HMX1: variants seen among roughly 807,000 people sequenced by gnomAD.
HMX1 encodes the protein homeobox protein HMX1.
A neutral mutation model predicts 8.9 loss-of-function variants in HMX1; 8 were observed. That is an observed-to-expected ratio of 0.90 (90% CI 0.53 to 1.63). The LOEUF is 1.63. Among genes scored for constraint, HMX1 ranks in the 40% most tolerant of loss-of-function variants. The pLI is 0.00. For missense variants in HMX1, 621 were observed against 558.5 expected (o/e 1.11, Z -1.13); for synonymous variants, 311 against 283.4 (o/e 1.10, Z -0.98).
chr4:8,859,910 T>C (rs935806606), intron 1 of HMX1, among the ~76,000 whole-genome samples: 2 of 152,188 alleles, frequency 1.3e-5, no homozygotes, highest in Admixed American at 1.3e-4. Context: ...TGGGCCCGGA[T>C]CTGTGTCCAC....
At chr4:8,854,465 G>C (rs1423945447) in intron 1 of HMX1, among the ~76,000 whole-genome samples, 3 of 152,234 alleles carry the variant, frequency 2.0e-5, no homozygotes, top group Admixed American at 6.5e-5. Context: ...ATGGATTAAA[G>C]GCCTGAAGTG....
chr4:8,857,366 G>A (rs1721640571), intron 1 of HMX1, among the ~76,000 whole-genome samples: 2 of 152,140 alleles, frequency 1.3e-5, no homozygotes, highest in African/African-American at 4.8e-5. Flanking sequence ...CTTGTTGCCC[G>A]TGGGGCCCCC....
intron 1 of HMX1, among the ~76,000 whole-genome samples, chr4:8,857,818 G>GC (rs1721662743): frequency 3.3e-5 from 5 of 152,178 alleles, no homozygotes; most frequent in East Asian, 1.9e-4. Context: ...TCCTCCCCTT[G>GC]CCCTTGCCCC....
At chr4:8,857,556 C>T (rs1721650454) in intron 1 of HMX1, among the ~76,000 whole-genome samples, 1 of 152,168 alleles carries the variant, frequency 6.6e-6, no homozygotes, top group African/African-American at 2.4e-5. Flanking sequence ...AGAGCCCATC[C>T]CTGGCCTCGG....
At position 8,868,073 on chromosome 4, in the gene HMX1, C is replaced by A. The variant is rs1252628929; in HGVS notation, c.667G>T (p.Asp223Tyr). ...GCGCTGCTCAGGTAGCGCTTCAGGT[C>A]GAAGGTGGATTCCAGCTGGAAGACC... ...SQVFQLESTFDLKRYLSSAER... is the reference protein window; with the variant it reads ...SQVFQLESTFYLKRYLSSAER... Residue 223 changes from aspartate to tyrosine, a missense_variant, in exon 2 of 2, where the codon GAC becomes TAC. Asp to Tyr is a radical substitution (Grantham distance 160). Coordinates refer to ENST00000400677, the MANE Select transcript of HMX1 (RefSeq NM_018942.3). The surrounding 1 kb of genome is among the most constrained non-coding windows in gnomAD (Gnocchi z 4.6). 3.3e-6 allele frequency: 5 copies of A among 1,536,236 alleles called. No homozygotes were observed. Among genetic ancestry groups the A allele is most frequent in the Admixed American group, 1.9e-5 (1 of 51,408 alleles).
At position 8,871,585 on chromosome 4, in the gene HMX1, G is replaced by A; in HGVS notation, c.30C>T (p.Arg10=). The A allele has an allele frequency of 7.4e-7, 1 of 1,344,462 alleles. No individual in the cohort carries two copies. Among genetic ancestry groups the A allele is most frequent in the African/African-American group, 1.5e-5 (1 of 64,874 alleles). The allele number at this position is 1,344,462 out of a possible 1,614,324, so 83.3% of individuals were successfully genotyped here. A position where few individuals can be genotyped will look rare whatever the true frequency, so the allele number is the denominator to read the frequency against. The part of the protein sequence containing the change: MPDELTEPG[R]ATPARASSFL... Reference sequence around the variant, plus strand: ...AGGAGGAGGCGCGGGCCGGCGTGGCGCGCCCGGGCTCCGTCAGCTCGTCAG... The same window carrying A: ...AGGAGGAGGCGCGGGCCGGCGTGGCACGCCCGGGCTCCGTCAGCTCGTCAG... The change falls in exon 1 of 2, where the codon CGC becomes CGT. Residue 10 remains arginine (R), a synonymous_variant. Transcript: ENST00000400677. The surrounding 1 kb of genome is among the most constrained non-coding windows in gnomAD (Gnocchi z 4.8).
rs752141140 is a variant in HMX1, at chr4:8,867,955, A to T, written c.785T>A (p.Leu262Gln). The T allele has an allele frequency of 6.7e-7, 1 of 1,503,210 alleles. No homozygotes were observed. The highest frequency in any genetic ancestry group is 1.3e-5 in the South Asian group (1 of 79,646). 93.1% of individuals were successfully genotyped at this position (1,503,210 alleles called of 1,614,324 possible). The change falls in exon 2 of 2, where the codon CTG becomes CAG. Residue 262 changes from leucine (L) to glutamine (Q), a missense_variant. Transcript: ENST00000400677. ...QNRRNKWKRQLAAELEAASLS... is the reference protein window; with the variant it reads ...QNRRNKWKRQQAAELEAASLS... ...GCTGGCCGCCTCCAGCTCGGCTGCC[A>T]GCTGCCGCTTCCACTTGTTGCGGCG...
In HMX1 at chr4:8,849,282, GGTAAGCAA is replaced by G. The variant is rs1210111206; in HGVS notation, c.395-2966_395-2959del. On this transcript the variant is annotated intron_variant, in intron 1 of 1. Coordinates refer to the HMX1 transcript ENST00000506970. This position sits in a 1 kb window ranked among gnomAD's most constrained non-coding sequence, Gnocchi z 6.6. ...TTATTTGGAAATAGGGTCTTCCTGA[GGTAAGCAA>G]GCTGAAATGCAGGCAGGGCCCTACC... Among the ~76,000 whole-genome samples the G allele has an allele frequency of 6.6e-6, 1 of 152,050 alleles. No individual in the cohort carries two copies. The highest frequency in any genetic ancestry group is 1.5e-5 in the Non-Finnish European group (1 of 68,032).
intron 1 of HMX1, chr4:8,860,706 G>A (rs939273482): frequency 6.6e-6 from 1 of 152,332 alleles, no homozygotes; most frequent in Non-Finnish European, 1.5e-5. Context: ...CTTCCTTCCA[G>A]AAGCCTAAGG....
chr4:8,864,192 A>C (rs1354211328), downstream of HMX1, among the ~76,000 whole-genome samples: 1 of 152,168 alleles, frequency 6.6e-6, no homozygotes, highest in African/African-American at 2.4e-5. Flanking sequence ...AGCATTTACA[A>C]ATTACAGACC....
intron 1 of HMX1, among the ~76,000 whole-genome samples, chr4:8,860,188 C>G (rs1315507042): frequency 6.6e-6 from 1 of 152,242 alleles, no homozygotes; most frequent in East Asian, 1.9e-4. Flanking sequence ...GAGAGCATGA[C>G]TGCGCGCCAA....
Position 8,868,213 on chromosome 4 carries a change from G to T in HMX1, c.527C>A (p.Thr176Lys). The part of the protein sequence containing the change: ...ELAARGPAAG[T>K]EEASELAEVP... ...CTCGGCCAGCTCCGACGCCTCCTCC[G>T]TGCCGGCCGCCGGGCCACGCGCCGC... is the stretch of plus-strand genomic sequence containing the variant. The change falls in exon 2 of 2, where the codon ACG (threonine) becomes AAG (lysine). Residue 176 changes from threonine (T) to lysine (K), a missense_variant. Transcript: ENST00000400677. This position sits in a 1 kb window ranked among gnomAD's most constrained non-coding sequence, Gnocchi z 4.6. The T allele has an allele frequency of 6.9e-7, 1 of 1,451,176 alleles. No homozygotes were observed. Among genetic ancestry groups the T allele is most frequent in the Non-Finnish European group, 9.0e-7 (1 of 1,106,964 alleles). The allele number at this position is 1,451,176 out of a possible 1,614,324, so 89.9% of individuals were successfully genotyped here.
rs892764700 is a variant in HMX1, at chr4:8,860,184, A to C, written c.394+11037T>G. On this transcript the variant is annotated intron_variant, in intron 1 of 1. Coordinates refer to the HMX1 transcript ENST00000506970. ...GCTGCCCTGGTGCCCCAGTGAGAGC[A>C]TGACTGCGCGCCAAATGGAAGTGGG... is the stretch of plus-strand genomic sequence containing the variant. Among the ~76,000 whole-genome samples the C allele has an allele frequency of 3.3e-5, 5 of 152,198 alleles. No individual in the cohort carries two copies. In the South Asian group the frequency reaches 8.3e-4, roughly 25 times the overall value.
chr4:8,868,027 G>T lies in HMX1; in HGVS notation c.713C>A (p.Ala238Asp). The change falls in exon 2 of 2, where the codon GCC (alanine) becomes GAC (aspartate). Residue 238 changes from alanine to aspartate, a missense_variant. Coordinates refer to ENST00000400677, the MANE Select transcript of HMX1 (RefSeq NM_018942.3). This position sits in a 1 kb window ranked among gnomAD's most constrained non-coding sequence, Gnocchi z 4.6. The stretch of plus-strand genomic sequence containing the variant: ...CTGCGTCTCGGTGAGCTGCAGGGAG[G>T]CGGCCAGGCCGGCGCGCTCGGCGCT... ...LSSAERAGLA[A>D]SLQLTETQVK... 1 of 1,541,782 alleles carries T rather than the reference G, an allele frequency of 6.5e-7. No individual in the cohort carries two copies. The highest frequency in any genetic ancestry group is 1.9e-5 in the Admixed American group (1 of 53,120).
chr4:8,860,158 G>T (rs1721749096), intron 1 of HMX1, among the ~76,000 whole-genome samples: 3 of 152,358 alleles, frequency 2.0e-5, no homozygotes, highest in South Asian at 2.1e-4. Flanking sequence ...CGCGCGGCGT[G>T]GCTGCCCTGG....
chr4:8,871,198 A>G lies in HMX1; in HGVS notation c.394+23T>C, dbSNP rs779208660. ...GAAGTCGGGCCCCACCGCCTGACCC[A>G]CCCTCCCCGCGCCCTCACTCACTGT... is the stretch of plus-strand genomic sequence containing the variant. On this transcript the variant is annotated intron_variant, in intron 1 of 1. Transcript: ENST00000400677. This position sits in a 1 kb window ranked among gnomAD's most constrained non-coding sequence, Gnocchi z 4.8. The G allele has an allele frequency of 8.8e-5, 122 of 1,392,432 alleles. 1 individual carries two copies. In the Middle Eastern group the frequency reaches 2.5e-3, roughly 29 times the overall value. The allele number at this position is 1,392,432 out of a possible 1,614,324, so 86.3% of individuals were successfully genotyped here. A position where few individuals can be genotyped will look rare whatever the true frequency, so the allele number is the denominator to read the frequency against.
In HMX1 at chr4:8,871,678, G is replaced by A; in HGVS notation, c.-64C>T. 2 of 1,144,956 alleles carry A rather than the reference G, an allele frequency of 1.7e-6. No homozygotes were observed. Among genetic ancestry groups the A allele is most frequent in the Non-Finnish European group, 2.1e-6 (2 of 932,794 alleles). The allele number at this position is 1,144,956 out of a possible 1,614,324, so 70.9% of individuals were successfully genotyped here. A position where few individuals can be genotyped will look rare whatever the true frequency, so the allele number is the denominator to read the frequency against. ...GTCCCCGCTGGGGATGGTGGCGCGC[G>A]GCTCCCGGGCGCACGCGCGGGCCGG... On this transcript the variant is annotated 5_prime_UTR_variant, in exon 1 of 2. Transcript: ENST00000400677. The surrounding 1 kb of genome is among the most constrained non-coding windows in gnomAD (Gnocchi z 4.8).
At position 8,867,265 on chromosome 4, in the gene HMX1, C is replaced by G; in HGVS notation, c.*428G>C. ...TGCTGTCTGGGTCCCAGGAAAGGGA[C>G]GTTTAGTGTTGGGGGCAGTCTGTGG... On this transcript the variant is annotated 3_prime_UTR_variant, in exon 2 of 2. Transcript: ENST00000400677. 1.0e-6 allele frequency: 1 copy of G among 986,476 alleles called. No individual in the cohort carries two copies. Among genetic ancestry groups the G allele is most frequent in the Non-Finnish European group, 1.2e-6 (1 of 830,692 alleles). The allele number at this position is 986,476 out of a possible 1,614,324, so 61.1% of individuals were successfully genotyped here. A position where few individuals can be genotyped will look rare whatever the true frequency, so the allele number is the denominator to read the frequency against.
At chr4:8,851,307 T>C (rs2109454056) in intron 1 of HMX1, among the ~76,000 whole-genome samples, 1 of 152,312 alleles carries the variant, frequency 6.6e-6, no homozygotes, top group Admixed American at 6.5e-5. Flanking sequence ...CCACAGGCTG[T>C]GCTCAGGGAT....
Sources: gnomAD v4.1 joint callset for allele counts (sites outside exome capture counted in the v4.1 genomes callset) on GRCh38, gnomAD v4.1.1 for gene constraint, Gnocchi (gnomAD v3.1) non-coding constraint, MANE v1.5 for transcripts, NCBI Gene and HGNC (gene_info 2026-07-23, HGNC 2026-07-21) for gene names.